Variants in RHBG observed in about 807,000 individuals in gnomAD.
RHBG encodes the protein ammonium transporter Rh type B.
RHBG carries 39 observed loss-of-function variants against 40.1 expected under a neutral mutation model. The observed-to-expected ratio is 0.97, with a 90% CI of 0.75 to 1.27. The LOEUF (loss-of-function observed/expected upper bound fraction) is 1.27, where lower values mean the gene tolerates loss of function less well. Ranked by LOEUF, RHBG falls within the 50% of genes most tolerant of loss-of-function variation. The pLI, the probability that RHBG is intolerant of heterozygous loss-of-function variation, is 0.00. For synonymous variants in RHBG, 237 were observed against 252.5 expected (o/e 0.94, Z 0.58); for missense variants, 549 against 588.1 (o/e 0.93, Z 0.69).
rs115491661 is a variant in RHBG, at chr1:156,377,775, C to G, written c.375-215C>G. 5.0e-3 allele frequency among the ~76,000 whole-genome samples: 762 copies of G among 152,288 alleles called. 6 individuals carry two copies. The highest frequency in any genetic ancestry group is 0.018 in the African/African-American group (733 of 41,558). On this transcript the variant is annotated intron_variant, in intron 2 of 9. Transcript: ENST00000537040. This position sits in a 1 kb window ranked among gnomAD's most constrained non-coding sequence, Gnocchi z 4.6. ...CTATTGTGGGCTTTGTCAGATGAGT[C>G]ACAGAACCTCCTTGAGACTCGACTT... is the stretch of plus-strand genomic sequence containing the variant.
intron 9 of RHBG, 23 bp from the exon 10 acceptor site, chr1:156,384,754 C>T (rs779160963): frequency 1.2e-6 from 2 of 1,612,700 alleles, no homozygotes; most frequent in Non-Finnish European, 1.7e-6. Context: ...ACCCTTTCAC[C>T]TCTACCCACT....
At chr1:156,370,614 C>CAAAAAAAAAAAAAA (rs59248542) in intron 1 of RHBG, among the ~76,000 whole-genome samples, 1 of 66,068 alleles carries the variant, frequency 1.5e-5, no homozygotes, top group Non-Finnish European at 2.6e-5. Context: ...GACTCTGTCT[C>CAAAAAAAAAAAAAA]AAAAAAAAAA....
chr1:156,373,513 GGAT>G (rs1363777477), intron 1 of RHBG, among the ~76,000 whole-genome samples: 15 of 152,118 alleles, frequency 9.9e-5, no homozygotes, highest in Admixed American at 9.8e-4. Context: ...CCTCTAAAGG[GGAT>G]GTTGAGAGGT....
chr1:156,378,782 T>C (rs1341156355), intron 4 of RHBG, among the ~76,000 whole-genome samples: 1 of 152,138 alleles, frequency 6.6e-6, no homozygotes, highest in African/African-American at 2.4e-5. Flanking sequence ...CTCCAGGCCT[T>C]TGCCTGTCTG....
chr1:156,382,658 G>C, intron 7 of RHBG, 90 bp from the exon 8 acceptor site: 1 of 1,506,212 alleles, frequency 6.6e-7, no homozygotes, highest in Non-Finnish European at 9.1e-7. Context: ...GTTCCCCAGT[G>C]TGAGTTCCAG....
At chr1:156,373,195 G>A (rs1666964528) in intron 1 of RHBG, among the ~76,000 whole-genome samples, 1 of 152,170 alleles carries the variant, frequency 6.6e-6, no homozygotes, top group Admixed American at 6.5e-5. Flanking sequence ...GCTGAGGTGA[G>A]AGGACTGCTT....
chr1:156,373,505 T>C (rs1271512400), intron 1 of RHBG, among the ~76,000 whole-genome samples: 2 of 152,136 alleles, frequency 1.3e-5, no homozygotes, highest in Non-Finnish European at 2.9e-5. Flanking sequence ...ACAGGCATCC[T>C]CTAAAGGGGA....
chr1:156,373,216 G>A (rs544305628), intron 1 of RHBG, among the ~76,000 whole-genome samples: 10 of 152,100 alleles, frequency 6.6e-5, no homozygotes, highest in Non-Finnish European at 1.5e-4. Flanking sequence ...GAAGCCAGGA[G>A]TTTGAGGCCA....
intron 8 of RHBG, 84 bp from the exon 9 acceptor site, chr1:156,384,443 C>T (rs748286777): frequency 1.6e-6 from 2 of 1,232,836 alleles, no homozygotes; most frequent in South Asian, 2.4e-5. Flanking sequence ...CCTCCTAGAC[C>T]CCTGTGCCCT....
chr1:156,369,290 A>G lies in RHBG; in HGVS notation c.41A>G (p.Gln14Arg), dbSNP rs199577193. ...AGCCGCGCCGCGGGCCGGCGACTGC[A>G]GCTTCCCCTGCTGTGCCTCTTCCTC... Reference protein sequence around the residue: ...SPSRAAGRRLQLPLLCLFLQG... With the variant: ...SPSRAAGRRLRLPLLCLFLQG... The change falls in exon 1 of 10, where the codon CAG becomes CGG. Residue 14 changes from glutamine (Q) to arginine (R), a missense_variant. Coordinates refer to ENST00000537040, the MANE Select transcript of RHBG (RefSeq NM_020407.5). The G allele has an allele frequency of 3.1e-6, 5 of 1,613,868 alleles. No homozygotes were observed. Among genetic ancestry groups the G allele is most frequent in the Non-Finnish European group, 4.2e-6 (5 of 1,179,968 alleles).
In RHBG at chr1:156,384,855, A is replaced by G. The variant is rs965360931; in HGVS notation, c.*10A>G. The G allele has an allele frequency of 6.4e-7, 1 of 1,567,738 alleles. No individual in the cohort carries two copies. Among genetic ancestry groups the G allele is most frequent in the Non-Finnish European group, 8.8e-7 (1 of 1,140,478 alleles). On this transcript the variant is annotated 3_prime_UTR_variant, in exon 10 of 10. Transcript: ENST00000537040. ...AGACACTCAGGCCTAACCCACTGCC[A>G]GCCCCTGAGAGGACACGCTCCTTTT...
At chr1:156,380,811 TG>T (rs1667571641) in intron 4 of RHBG, among the ~76,000 whole-genome samples, 1 of 152,052 alleles carries the variant, frequency 6.6e-6, no homozygotes, top group South Asian at 2.1e-4. Context: ...CTTCAATAGC[TG>T]CCATTTGCTG....
At position 156,378,038 on chromosome 1, in the gene RHBG, T is replaced by G. The variant is rs1208025208; in HGVS notation, c.423T>G (p.Gly141=). The G allele has an allele frequency of 1.3e-6, 2 of 1,583,174 alleles. No individual in the cohort carries two copies. Among genetic ancestry groups the G allele is most frequent in the Non-Finnish European group, 1.7e-6 (2 of 1,163,966 alleles). Residue 141 remains glycine (G), a synonymous_variant, in exon 3 of 10, where the codon GGT becomes GGG. Coordinates refer to ENST00000537040, the MANE Select transcript of RHBG (RefSeq NM_020407.5). ...CGGGGGCCGTGCTCATCTCCTTTGG[T>G]GCCGTCCTGGGCAAGACCGGGCCTA... is the stretch of plus-strand genomic sequence containing the variant. ...FCAGAVLISF[G]AVLGKTGPTQ...
At chr1:156,374,069 C>G (rs141808903) in intron 1 of RHBG, among the ~76,000 whole-genome samples, 1 of 152,094 alleles carries the variant, frequency 6.6e-6, no homozygotes, top group Non-Finnish European at 1.5e-5. Flanking sequence ...GGATGGGGGC[C>G]GCACAGCAGG....
chr1:156,374,144 T>C (rs573165380), intron 1 of RHBG, among the ~76,000 whole-genome samples: 1 of 152,172 alleles, frequency 6.6e-6, no homozygotes, highest in African/African-American at 2.4e-5. Flanking sequence ...TAGACTCTTA[T>C]AGGAGCGCGA....
chr1:156,382,485 G>A (rs559754253), intron 7 of RHBG: 4 of 633,446 alleles, frequency 6.3e-6, no homozygotes, highest in Non-Finnish European at 1.1e-5. Flanking sequence ...GCACATCAAG[G>A]GTGGGCAAAA....
In RHBG at chr1:156,384,968, G is replaced by A. The variant is rs1667946723; in HGVS notation, c.*123G>A. On this transcript the variant is annotated 3_prime_UTR_variant, in exon 10 of 10. Coordinates refer to ENST00000537040, the MANE Select transcript of RHBG (RefSeq NM_020407.5). The stretch of plus-strand genomic sequence containing the variant: ...GAAGGGAGCCATGAGCCAGAAGGAG[G>A]CCCCTTTCCACAGGCAGCGTCTCCA... 5 of 646,176 alleles carry A rather than the reference G, an allele frequency of 7.7e-6. No individual in the cohort carries two copies. The highest frequency in any genetic ancestry group is 1.4e-5 in the Non-Finnish European group (5 of 366,852). The allele number at this position is 646,176 out of a possible 1,614,324, so 40.0% of individuals were successfully genotyped here. A position where few individuals can be genotyped will look rare whatever the true frequency, so the allele number is the denominator to read the frequency against.
chr1:156,381,219 C>A, intron 4 of RHBG, 128 bp from the exon 5 acceptor site: 1 of 971,588 alleles, frequency 1.0e-6, no homozygotes, highest in African/African-American at 1.6e-5. Flanking sequence ...GTATTATTAT[C>A]AATCCCACTG....
rs759498207 is a variant in RHBG, at chr1:156,377,460, G to A, written c.347G>A (p.Gly116Asp). The stretch of plus-strand genomic sequence containing the variant: ...CAGGGCTTTCTCCACTCCTTCCACG[G>A]TGGCCACATCCATGTTGGCGTGGAG... Reference protein sequence around the residue: ...LVQGFLHSFHGGHIHVGVESM... With the variant: ...LVQGFLHSFHDGHIHVGVESM... Residue 116 changes from glycine (G) to aspartate (D), a missense_variant, in exon 2 of 10, where the codon GGT becomes GAT. Gly to Asp is a moderately conservative substitution (Grantham distance 94, BLOSUM62 -1). Transcript: ENST00000537040. This position sits in a 1 kb window ranked among gnomAD's most constrained non-coding sequence, Gnocchi z 4.6. 6.2e-7 allele frequency: 1 copy of A among 1,612,698 alleles called. No individual in the cohort carries two copies. The highest frequency in any genetic ancestry group is 8.5e-7 in the Non-Finnish European group (1 of 1,178,794).
Sources: allele counts gnomAD v4.1 joint callset (sites outside exome capture counted in the v4.1 genomes callset), GRCh38; gene constraint gnomAD v4.1.1; non-coding constraint Gnocchi (gnomAD v3.1); transcripts MANE v1.5; gene names NCBI Gene and HGNC (gene_info 2026-07-23, HGNC 2026-07-21).